The following ZFYVE16 variants were observed in gnomAD, a reference collection of about 807,000 sequenced individuals.
ZFYVE16 encodes zinc finger FYVE domain-containing protein 16.
A neutral mutation model predicts 138.1 loss-of-function variants in ZFYVE16; 89 were observed. The ratio of observed to expected loss-of-function variants is 0.64; its 90% CI spans 0.54 to 0.77. The LOEUF is 0.77. Among genes scored for constraint, ZFYVE16 ranks in the 30% least tolerant of loss-of-function variants. ZFYVE16 has a pLI of 0.00. For synonymous variants in ZFYVE16, 596 were observed against 618.3 expected, an observed-to-expected ratio of 0.96 and a Z score of 0.53; for missense variants, 1,793 against 1,786.7, an observed-to-expected ratio of 1.00 and a Z score of -0.06.
Position 80,448,230 on chromosome 5 carries a change from G to A in ZFYVE16, c.2929G>A (p.Glu977Lys). 1 of 1,613,840 alleles carries A rather than the reference G, an allele frequency of 6.2e-7. No homozygotes were observed. Among genetic ancestry groups the A allele is most frequent in the Non-Finnish European group, 8.5e-7 (1 of 1,179,890 alleles). ...TGATGATGTTTTTGCAGAAACTGAA[G>A]AACCATCTAGTCCTACTGGTGTCTT... ...LDDDVFAETEEPSSPTGVLVN... is the reference protein window; with the variant it reads ...LDDDVFAETEKPSSPTGVLVN... The change falls in exon 8 of 19, where the codon GAA becomes AAA. Residue 977 changes from glutamate to lysine, a missense_variant. Physicochemically the swap from Glu to Lys is moderately conservative, Grantham distance 56. This residue lies in a region of ZFYVE16 where 1,295 missense variants were observed against 1,204.3 expected (regional missense o/e 1.08). Coordinates refer to ENST00000505560, the MANE Select transcript of ZFYVE16 (RefSeq NM_001284236.3).
intron 11 of ZFYVE16, among the ~76,000 whole-genome samples, chr5:80,453,270 G>A (rs1752174302): frequency 6.6e-6 from 1 of 152,152 alleles, no homozygotes; most frequent in African/African-American, 2.4e-5. Context: ...CTCAGGTTTT[G>A]TACTGTGTGA....
rs147005960 is a variant in ZFYVE16 at position 80,463,159 on chromosome 5, T to C, written c.4024+3665T>C. 2.7e-3 allele frequency among the ~76,000 whole-genome samples: 409 copies of C among 152,322 alleles called. 2 individuals are homozygous for C. The highest frequency in any genetic ancestry group is 4.6e-3 in the Non-Finnish European group (313 of 68,028). On this transcript the variant is annotated intron_variant, in intron 15 of 18. Transcript: ENST00000505560. ...AGGCAGTGCCCCAGTGGGGACTCTT[T>C]GTGGGGACATTTCCCTTCTGCACTG...
At chr5:80,439,337 C>T (rs941639187) in intron 4 of ZFYVE16, among the ~76,000 whole-genome samples, 53 of 152,264 alleles carry the variant, frequency 3.5e-4, no homozygotes, top group African/African-American at 1.3e-3. Context: ...GTCAGATTCC[C>T]CTTTGTCCTT....
Position 80,423,955 on chromosome 5 carries a change from T to TG in ZFYVE16, c.-93-3537_-93-3536insG, listed in dbSNP as rs916982820. ...GATTTTTTTTTTCTTTTACTTTTTCTTTTTTTTGAAATGAAGTTGCACTCT... is the reference window on the plus strand; with the variant it reads ...GATTTTTTTTTTCTTTTACTTTTTCTGTTTTTTTGAAATGAAGTTGCACTCT... On this transcript the variant is annotated intron_variant, in intron 1 of 18. Transcript: ENST00000505560. 8.9e-4 allele frequency among the ~76,000 whole-genome samples: 9 copies of TG among 10,144 alleles called. No individual in the cohort carries two copies. In the Non-Finnish European group the frequency reaches 0.015, roughly 17 times the overall value. The allele number at this position is 10,144 out of a possible 152,430, so 6.7% of individuals were successfully genotyped here. A position where few individuals can be genotyped will look rare whatever the true frequency, so the allele number is the denominator to read the frequency against.
At position 80,438,666 on chromosome 5, in the gene ZFYVE16, A is replaced by C. The variant is rs764376879; in HGVS notation, c.1981A>C (p.Ser661Arg). 8.7e-6 allele frequency: 14 copies of C among 1,614,000 alleles called. No homozygotes were observed. Among genetic ancestry groups the C allele is most frequent in the African/African-American group, 1.3e-5 (1 of 74,930 alleles). The change falls in exon 4 of 19, where the codon AGT becomes CGT. Residue 661 changes from serine to arginine, a missense_variant. Physicochemically the swap from Ser to Arg is moderately radical, Grantham distance 110. This residue lies in a region of ZFYVE16 where 1,295 missense variants were observed against 1,204.3 expected (regional missense o/e 1.08). Coordinates refer to ENST00000505560, the MANE Select transcript of ZFYVE16 (RefSeq NM_001284236.3). ...GTTTAGCCTTCCATCAAGAACAAGG[A>C]GTTCAAAGGACCTGAATAAGCCAGA... ...QLFSLPSRTR[S>R]SKDLNKPDVP...
At chr5:80,444,445 CTTTT>C (rs61461674) in intron 6 of ZFYVE16, among the ~76,000 whole-genome samples, 2 of 145,198 alleles carry the variant, frequency 1.4e-5, no homozygotes, top group South Asian at 2.2e-4. Flanking sequence ...AGACATTGAA[CTTTT>C]TTTTTTTTTT....
rs372306553 is a variant in ZFYVE16, at chr5:80,413,174, TCAAAAAAGAAGAGAG to T, written c.-94+5022_-94+5036del. ...TTGCGCAACAGAGTGAGACCCTGTC[TCAAAAAAGAAGAGAG>T]GGCTGGGTGCGGTGGCTCATGCCTG... On this transcript the variant is annotated intron_variant, in intron 1 of 18. Transcript: ENST00000505560. Among the ~76,000 whole-genome samples the T allele has an allele frequency of 6.8e-3, 946 of 140,078 alleles. 8 individuals are homozygous for T. Among genetic ancestry groups the T allele is most frequent in the African/African-American group, 0.023 (874 of 37,212 alleles). The allele number at this position is 140,078 out of a possible 152,430, so 91.9% of individuals were successfully genotyped here.
intron 7 of ZFYVE16, among the ~76,000 whole-genome samples, chr5:80,446,799 GATATATA>G (rs1004670592): frequency 2.0e-5 from 3 of 152,146 alleles, no homozygotes; most frequent in African/African-American, 7.2e-5. Flanking sequence ...TTAAACAGAA[GATATATA>G]ATATAGAATC....
At position 80,481,087 on chromosome 5, in the gene ZFYVE16, G is replaced by C. The variant is rs941237093; in HGVS notation, c.*3710G>C. Among the ~76,000 whole-genome samples the C allele has an allele frequency of 1.3e-5, 2 of 152,090 alleles. No homozygotes were observed. Among genetic ancestry groups the C allele is most frequent in the African/African-American group, 4.8e-5 (2 of 41,402 alleles). On this transcript the variant is annotated 3_prime_UTR_variant, in exon 19 of 19. Coordinates refer to ENST00000505560, the MANE Select transcript of ZFYVE16 (RefSeq NM_001284236.3). ...CTAAGAGAGCCTCAGGAAAGATGCAGTAAGACCCACCGCCCCACCAGGAGA... is the reference window on the plus strand; with the variant it reads ...CTAAGAGAGCCTCAGGAAAGATGCACTAAGACCCACCGCCCCACCAGGAGA...
intron 5 of ZFYVE16, chr5:80,440,459 T>G (rs184621852): frequency 1.0e-6 from 1 of 985,662 alleles, no homozygotes; most frequent in Admixed American, 6.1e-5. Flanking sequence ...CAACCTAAAA[T>G]GAGAGTAGAA....
rs1481942359 is a variant in ZFYVE16, at chr5:80,436,752, T to C, written c.71-4T>C. The C allele has an allele frequency of 6.2e-7, 1 of 1,600,346 alleles. No homozygotes were observed. The highest frequency in any genetic ancestry group is 1.7e-5 in the Admixed American group (1 of 57,664). On this transcript the variant is annotated splice_region_variant and splice_polypyrimidine_tract_variant and intron_variant, in intron 3 of 18. Transcript: ENST00000505560. ...TCCCGAATAACACTGTTTCTCTATT[T>C]CAGATGAACAAGATTATCTCCAAGA...
At chr5:80,440,269 T>C in intron 5 of ZFYVE16, 1 of 1,147,226 alleles carries the variant, frequency 8.7e-7, no homozygotes, top group South Asian at 3.3e-5. Context: ...CATTAACTTT[T>C]AACAGGTACC....
chr5:80,422,092 CTGTT>C (rs1396988608), intron 1 of ZFYVE16, among the ~76,000 whole-genome samples: 5 of 152,214 alleles, frequency 3.3e-5, no homozygotes, highest in Admixed American at 6.5e-5. Context: ...ATTTGGCTCT[CTGTT>C]TGTCTGTTAT....
intron 1 of ZFYVE16, among the ~76,000 whole-genome samples, chr5:80,422,975 C>G (rs146582578): frequency 1.3e-5 from 2 of 152,064 alleles, no homozygotes; most frequent in Non-Finnish European, 2.9e-5. Flanking sequence ...CAATATTGGT[C>G]TGTAGTTTTC....
At chr5:80,456,274 C>A (rs1752520014) in intron 12 of ZFYVE16, 187 bp from the exon 13 acceptor site, 1 of 462,804 alleles carries the variant, frequency 2.2e-6, no homozygotes, top group African/African-American at 2.1e-5. Flanking sequence ...TTTATCCATG[C>A]CTAGTTTGAA....
chr5:80,468,017 G>A (rs1490112692), intron 15 of ZFYVE16, among the ~76,000 whole-genome samples: 2 of 152,068 alleles, frequency 1.3e-5, no homozygotes, highest in Non-Finnish European at 2.9e-5. Context: ...ATGGTGGCAT[G>A]CACCTGTACC....
At chr5:80,457,238 A>AT in intron 14 of ZFYVE16, 146 bp downstream of exon 14, 1 of 1,224,356 alleles carries the variant, frequency 8.2e-7, no homozygotes, top group Non-Finnish European at 1.1e-6. Flanking sequence ...TACACAACAG[A>AT]TTTTAAAATT....
Position 80,425,130 on chromosome 5 carries a change from A to C in ZFYVE16, c.-93-2362A>C, listed in dbSNP as rs148767080. Among the ~76,000 whole-genome samples the C allele has an allele frequency of 6.6e-5, 10 of 152,228 alleles. No individual in the cohort carries two copies. In the East Asian group the frequency reaches 1.7e-3, roughly 26 times the overall value. ...AAAAACTCCCAGCATTATCTTTTCA[A>C]ATATAGTTGTTCCATGCTGTCTTTT... On this transcript the variant is annotated intron_variant, in intron 1 of 18. Coordinates refer to ENST00000505560, the MANE Select transcript of ZFYVE16 (RefSeq NM_001284236.3).
At chr5:80,418,320 C>T (rs1245325257) in intron 1 of ZFYVE16, among the ~76,000 whole-genome samples, 3 of 143,190 alleles carry the variant, frequency 2.1e-5, no homozygotes, top group Admixed American at 2.1e-4. Flanking sequence ...TCCCCTCCCC[C>T]TCCTTTCTTT....
Sources: gnomAD v4.1 joint callset for allele counts (sites outside exome capture counted in the v4.1 genomes callset) on GRCh38, gnomAD v4.1.1 for gene constraint, gnomAD v4.1.1 regional missense constraint, MANE v1.5 for transcripts, NCBI Gene and HGNC (gene_info 2026-07-23, HGNC 2026-07-21) for gene names.